The following SGK3 variants were observed in gnomAD, a reference collection of about 807,000 sequenced individuals.
The protein encoded by SGK3 is serine/threonine-protein kinase Sgk3.
In SGK3, 47 loss-of-function variants were observed where a neutral mutation model predicts 68.5. The ratio of observed to expected loss-of-function variants is 0.69; its 90% CI spans 0.54 to 0.87. The LOEUF is 0.87. Among genes scored for constraint, SGK3 ranks in the 40% least tolerant of loss-of-function variants. The pLI is 0.00. For synonymous variants in SGK3, 181 were observed against 189.1 expected (o/e 0.96, Z 0.35); for missense variants, 479 against 575.5 (o/e 0.83, Z 1.72).
intron 1 of SGK3, among the ~76,000 whole-genome samples, chr8:66,751,038 G>A (rs1196711403): frequency 6.6e-6 from 1 of 150,748 alleles, no homozygotes; most frequent in Non-Finnish European, 1.5e-5. Context: ...GGTGGCTTAC[G>A]CCTGTAATCC....
chr8:66,725,002 G>A (rs958475097), intron 1 of SGK3, among the ~76,000 whole-genome samples: 8 of 151,968 alleles, frequency 5.3e-5, no homozygotes, highest in South Asian at 4.2e-4. Context: ...CGAGGCGGGC[G>A]GATCACAAGG....
chr8:66,853,262 T>C (rs1209252258), intron 16 of SGK3, among the ~76,000 whole-genome samples: 1 of 152,112 alleles, frequency 6.6e-6, no homozygotes, highest in Non-Finnish European at 1.5e-5. Flanking sequence ...ATAAAATATA[T>C]AAAGAGAAGA....
intron 1 of SGK3, among the ~76,000 whole-genome samples, chr8:66,762,755 T>C (rs1806212404): frequency 6.6e-6 from 1 of 152,224 alleles, no homozygotes; most frequent in Non-Finnish European, 1.5e-5. Flanking sequence ...CCTTTCTTTT[T>C]TCCCTTATAA....
chr8:66,770,493 TTTTG>T (rs577225615), intron 1 of SGK3, among the ~76,000 whole-genome samples: 69 of 152,312 alleles, frequency 4.5e-4, no homozygotes, highest in East Asian at 3.1e-3. Flanking sequence ...TTTTTCTGTT[TTTTG>T]TTTGTTTGTT....
chr8:66,815,714 A>G (rs1808548027), intron 5 of SGK3, among the ~76,000 whole-genome samples: 1 of 152,186 alleles, frequency 6.6e-6, no homozygotes, highest in Non-Finnish European at 1.5e-5. Flanking sequence ...TACTTCTCCT[A>G]GTATTTTAAG....
chr8:66,776,772 T>A (rs1253144607), intron 1 of SGK3, among the ~76,000 whole-genome samples: 2 of 152,226 alleles, frequency 1.3e-5, no homozygotes, highest in Non-Finnish European at 2.9e-5. Flanking sequence ...TAATCATTCT[T>A]CAGTAGTACC....
intron 7 of SGK3, among the ~76,000 whole-genome samples, chr8:66,830,446 C>T (rs947680024): frequency 3.9e-5 from 6 of 152,246 alleles, no homozygotes; most frequent in Non-Finnish European, 5.9e-5. Flanking sequence ...TTTGAATTAA[C>T]GATTTTTTGA....
intron 1 of SGK3, among the ~76,000 whole-genome samples, chr8:66,754,742 A>G (rs567923574): frequency 7.2e-5 from 11 of 152,352 alleles, no homozygotes; most frequent in African/African-American, 2.2e-4. Flanking sequence ...CACGTGGACA[A>G]TCTCATCACC....
At chr8:66,772,443 G>A (rs1806542019) in intron 1 of SGK3, among the ~76,000 whole-genome samples, 2 of 150,876 alleles carry the variant, frequency 1.3e-5, no homozygotes, top group Non-Finnish European at 1.5e-5. Context: ...CACCCAGGCT[G>A]GAGTGCAGTG....
chr8:66,768,371 C>T (rs1227121031), intron 1 of SGK3, among the ~76,000 whole-genome samples: 5 of 149,290 alleles, frequency 3.3e-5, no homozygotes, highest in African/African-American at 1.2e-4. Flanking sequence ...TGAAGGGCTT[C>T]CTTGAATGTT....
At chr8:66,715,639 A>C (rs978692267) in intron 1 of SGK3, among the ~76,000 whole-genome samples, 7 of 152,206 alleles carry the variant, frequency 4.6e-5, no homozygotes, top group African/African-American at 1.7e-4. Context: ...TTTTGAAATA[A>C]AACTATGTGT....
chr8:66,789,870 A>G (rs958232008), intron 1 of SGK3, among the ~76,000 whole-genome samples: 2 of 152,008 alleles, frequency 1.3e-5, no homozygotes, highest in Non-Finnish European at 2.9e-5. Flanking sequence ...TTGAGCTCAG[A>G]AGTTCGAGAC....
chr8:66,783,893 G>A (rs1807093251), intron 1 of SGK3, among the ~76,000 whole-genome samples: 1 of 151,816 alleles, frequency 6.6e-6, no homozygotes, highest in African/African-American at 2.4e-5. Flanking sequence ...GTCGTTGTTT[G>A]TTTGTTTGTT....
At chr8:66,723,407 G>A (rs1019085447) in intron 1 of SGK3, among the ~76,000 whole-genome samples, 10 of 151,438 alleles carry the variant, frequency 6.6e-5, no homozygotes, top group Admixed American at 5.3e-4. Context: ...TCACGCCATT[G>A]CACTCCAGCC....
chr8:66,780,774 A>G (rs1035128000), intron 1 of SGK3, among the ~76,000 whole-genome samples: 3 of 152,154 alleles, frequency 2.0e-5, no homozygotes, highest in African/African-American at 7.2e-5. Flanking sequence ...ATTTTATTCT[A>G]AGAGTGATGG....
chr8:66,764,019 G>A (rs1336851717), intron 1 of SGK3, among the ~76,000 whole-genome samples: 1 of 152,100 alleles, frequency 6.6e-6, no homozygotes, highest in African/African-American at 2.4e-5. Flanking sequence ...CTACAGGCAT[G>A]TGCCACCACA....
chr8:66,827,992 TG>T (rs1274845091), intron 6 of SGK3, among the ~76,000 whole-genome samples: 1 of 151,806 alleles, frequency 6.6e-6, no homozygotes, highest in Non-Finnish European at 1.5e-5. Flanking sequence ...GGTGTGGTGG[TG>T]GGCACCTGTA....
At chr8:66,780,810 AG>A (rs1290227417) in intron 1 of SGK3, among the ~76,000 whole-genome samples, 3 of 152,196 alleles carry the variant, frequency 2.0e-5, no homozygotes, top group Non-Finnish European at 4.4e-5. Context: ...GGGTTAAGCA[AG>A]GAGTGAAATT....
At chr8:66,766,215 G>A (rs1426310035) in intron 1 of SGK3, among the ~76,000 whole-genome samples, 2 of 151,624 alleles carry the variant, frequency 1.3e-5, no homozygotes, top group African/African-American at 4.9e-5. Flanking sequence ...TCTATTTTGG[G>A]GTGTTCTACA....
Sources: gnomAD v4.1 joint callset for allele counts (sites outside exome capture counted in the v4.1 genomes callset) on GRCh38, gnomAD v4.1.1 for gene constraint, MANE v1.5 for transcripts, NCBI Gene and HGNC (gene_info 2026-07-23, HGNC 2026-07-21) for gene names.